The following PUDP variants were observed in gnomAD, a reference collection of about 807,000 sequenced individuals.
PUDP encodes the protein pseudouridine-5'-phosphatase.
In PUDP, 8 loss-of-function variants were observed where a neutral mutation model predicts 9.4. That is an observed-to-expected ratio of 0.85 (90% CI 0.50 to 1.53). The LOEUF is 1.53. Among genes scored for constraint, PUDP ranks in the 40% most tolerant of loss-of-function variants. PUDP has a pLI of 0.00. For synonymous variants in PUDP, 99 were observed against 80.7 expected, an observed-to-expected ratio of 1.23 and a Z score of -1.22; for missense variants, 188 against 189.7, an observed-to-expected ratio of 0.99 and a Z score of 0.05.
At chrX:6,833,596 C>T (rs1273065586) in intron 3 of PUDP, among the ~76,000 whole-genome samples, 1 of 110,973 alleles carries the variant, frequency 9.0e-6, no homozygotes, top group East Asian at 2.8e-4. Context: ...GTTGGATGGA[C>T]GGATGTATGG....
rs954730240 is a variant in PUDP, at chrX:6,708,838, C to G, written n.129-2372G>C. On this transcript the variant is annotated intron_variant and non_coding_transcript_variant, in intron 1 of 2. Coordinates refer to the PUDP transcript ENST00000438499. ...CTTAAACGTCTAAAGGTATGACCAGCCTAATGCTGTCTTCCTGCCACACCC... is the reference window on the plus strand; with the variant it reads ...CTTAAACGTCTAAAGGTATGACCAGGCTAATGCTGTCTTCCTGCCACACCC... Among the ~76,000 whole-genome samples the G allele has an allele frequency of 1.3e-4, 15 of 111,470 alleles. 2 individuals are homozygous for G. Among genetic ancestry groups the G allele is most frequent in the Admixed American group, 1.3e-3 (14 of 10,490 alleles).
At chrX:6,782,135 G>A (rs151312591) in intron 3 of PUDP, among the ~76,000 whole-genome samples, 2,604 of 111,663 alleles carry the variant, frequency 0.023, 31 homozygotes, top group Middle Eastern at 0.06. Flanking sequence ...ATAACTCCTG[G>A]AAACACGGAT....
intron 3 of PUDP, among the ~76,000 whole-genome samples, chrX:6,884,940 C>A (rs1042153653): frequency 8.9e-6 from 1 of 111,855 alleles, no homozygotes; most frequent in Non-Finnish European, 1.9e-5. Context: ...ACTGAGATGG[C>A]ATTAAGTGAG....
intron 3 of PUDP, among the ~76,000 whole-genome samples, chrX:6,963,135 G>A (rs5934954): frequency 0.34 from 38,050 of 111,340 alleles, 4,983 homozygotes; most frequent in Non-Finnish European, 0.41. Flanking sequence ...ATGCTTCTAC[G>A]ATCTTTAACT....
At chrX:6,717,914 C>A (rs1924617977) in intron 1 of PUDP, among the ~76,000 whole-genome samples, 1 of 112,041 alleles carries the variant, frequency 8.9e-6, no homozygotes, top group South Asian at 3.7e-4. Flanking sequence ...GAGATGGTAT[C>A]TCATTGTGGT....
chrX:6,971,200 CT>C (rs957400017), intron 3 of PUDP, among the ~76,000 whole-genome samples: 1 of 111,247 alleles, frequency 9.0e-6, no homozygotes, highest in African/African-American at 3.3e-5. Context: ...ACAGACCTGA[CT>C]TTTTTTCTGA....
intron 1 of PUDP, among the ~76,000 whole-genome samples, chrX:7,144,328 G>A (rs1189180910): frequency 1.8e-5 from 2 of 111,985 alleles, no homozygotes; most frequent in African/African-American, 6.5e-5. Flanking sequence ...ATCCACCTAG[G>A]GCATGCGCTA....
At position 6,883,926 on chromosome X, in the gene PUDP, C is replaced by T. The variant is rs769085413; in HGVS notation, c.*247+93207G>A. Among the ~76,000 whole-genome samples, 4 of 111,540 alleles carry T rather than the reference C, an allele frequency of 3.6e-5. No homozygotes were observed. In the East Asian group the frequency reaches 8.5e-4, roughly 24 times the overall value. On this transcript the variant is annotated intron_variant and NMD_transcript_variant, in intron 3 of 3. Coordinates refer to the PUDP transcript ENST00000655425. ...CACGATCTCGGCTCGCTGCAAGCTCCGTCTCCCGGGTTCACACCATTCTCC... is the reference window on the plus strand; with the variant it reads ...CACGATCTCGGCTCGCTGCAAGCTCTGTCTCCCGGGTTCACACCATTCTCC...
intron 3 of PUDP, among the ~76,000 whole-genome samples, chrX:6,876,150 A>G (rs1282173066): frequency 8.9e-6 from 1 of 111,911 alleles, no homozygotes; most frequent in African/African-American, 3.2e-5. Context: ...GTGCCCATAC[A>G]ACCATTCTGT....
chrX:6,849,693 C>A (rs1926800303), intron 3 of PUDP, among the ~76,000 whole-genome samples: 1 of 112,183 alleles, frequency 8.9e-6, no homozygotes, highest in Admixed American at 9.5e-5. Context: ...ATTCCAGGCA[C>A]TCTCTTCTAA....
intron 3 of PUDP, among the ~76,000 whole-genome samples, chrX:6,752,098 AG>A (rs1161875228): frequency 1.8e-5 from 2 of 111,409 alleles, no homozygotes; most frequent in Non-Finnish European, 3.8e-5. Context: ...TGCTACACCC[AG>A]GGGACTATAA....
chrX:6,879,527 C>G (rs1482366350), intron 3 of PUDP, among the ~76,000 whole-genome samples: 2 of 111,218 alleles, frequency 1.8e-5, no homozygotes, highest in Non-Finnish European at 3.8e-5. Context: ...TTGCTTAAAT[C>G]CTACCACTCA....
At chrX:7,088,056 A>G in intron 2 of PUDP, among the ~76,000 whole-genome samples, 1 of 112,292 alleles carries the variant, frequency 8.9e-6, no homozygotes, top group East Asian at 2.8e-4. Flanking sequence ...GGCAATTCAA[A>G]CCACTGATCA....
chrX:7,057,617 T>C (rs1053725872), intron 3 of PUDP: 228 of 1,097,951 alleles, frequency 2.1e-4, no homozygotes, highest in Non-Finnish European at 2.7e-4. Context: ...GAGGTAGCTT[T>C]TGTGACAAGT....
intron 3 of PUDP, among the ~76,000 whole-genome samples, chrX:6,823,307 A>C (rs62590404): frequency 0.058 from 6,472 of 112,121 alleles, 159 homozygotes; most frequent in South Asian, 0.076. Context: ...TACCCTTGCA[A>C]GGCTGTCTAT....
rs192342013 is a variant in PUDP at position 6,895,775 on chromosome X, G to T, written c.*247+81358C>A. Reference sequence around the variant, plus strand: ...AATACCATAGACTAGGTAACTTAAAGAAAACGGACGTTTATTGCTCACAGC... The same window carrying T: ...AATACCATAGACTAGGTAACTTAAATAAAACGGACGTTTATTGCTCACAGC... On this transcript the variant is annotated intron_variant and NMD_transcript_variant, in intron 3 of 3. Coordinates refer to the PUDP transcript ENST00000655425. Among the ~76,000 whole-genome samples, 3 of 111,751 alleles carry T rather than the reference G, an allele frequency of 2.7e-5. No individual in the cohort carries two copies. In the Admixed American group the frequency reaches 2.9e-4, roughly 11 times the overall value.
intron 3 of PUDP, among the ~76,000 whole-genome samples, chrX:6,916,918 A>G (rs1236411766): frequency 8.9e-6 from 1 of 112,320 alleles, no homozygotes; most frequent in Non-Finnish European, 1.9e-5. Context: ...GTTTCAATTA[A>G]TAAAATTATC....
upstream of PUDP, among the ~76,000 whole-genome samples, chrX:6,725,002 C>T (rs752726508): frequency 7.9e-4 from 88 of 111,696 alleles, no homozygotes; most frequent in African/African-American, 2.6e-3. Flanking sequence ...AACTGCTAAC[C>T]GTCCTTTCCC....
intron 3 of PUDP, among the ~76,000 whole-genome samples, chrX:6,781,906 T>C (rs12835077): frequency 0.18 from 20,454 of 111,911 alleles, 1,920 homozygotes; most frequent in African/African-American, 0.36. Context: ...TTGGTGGTTA[T>C]GTACCTGAGC....
Sources: allele counts gnomAD v4.1 joint callset (sites outside exome capture counted in the v4.1 genomes callset), GRCh38; gene constraint gnomAD v4.1.1; transcripts MANE v1.5; gene names NCBI Gene and HGNC (gene_info 2026-07-23, HGNC 2026-07-21).